SGCZ: variants seen among roughly 807,000 people sequenced by gnomAD.
SGCZ encodes sarcoglycan zeta, also known as zeta-sarcoglycan.
In SGCZ, 40 loss-of-function variants were observed where a neutral mutation model predicts 41.3. The ratio of observed to expected loss-of-function variants is 0.97; its 90% confidence interval spans 0.75 to 1.26. The LOEUF (loss-of-function observed/expected upper bound fraction) is 1.26, where lower values mean the gene tolerates loss of function less well. Among genes scored for constraint, SGCZ ranks in the 50% most tolerant of loss-of-function variants. SGCZ has a pLI of 0.00. For missense variants in SGCZ, 552 were observed against 369.8 expected (o/e 1.49, Z -4.04); for synonymous variants, 206 against 137.5 (o/e 1.50, Z -3.49).
intron 1 of SGCZ, among the ~76,000 whole-genome samples, chr8:14,652,346 A>AAGG (rs201135943): frequency 7.5e-4 from 38 of 50,734 alleles, no homozygotes; most frequent in African/African-American, 2.7e-3. Context: ...AAAAAAAAAA[A>AAGG]GGGGGGGGTG....
intron 4 of SGCZ, among the ~76,000 whole-genome samples, chr8:14,186,415 T>C (rs1585211801): frequency 6.6e-6 from 1 of 152,194 alleles, no homozygotes; most frequent in African/African-American, 2.4e-5. Flanking sequence ...CAGGAATCCT[T>C]CTTCATCTAT....
chr8:14,299,307 A>T (rs1192307421), intron 3 of SGCZ, among the ~76,000 whole-genome samples: 26 of 151,996 alleles, frequency 1.7e-4, no homozygotes, highest in Admixed American at 1.7e-3. Context: ...ATAAAAGTTA[A>T]ACATGAAATT....
At chr8:14,574,775 TATC>T (rs1804658436) in intron 1 of SGCZ, among the ~76,000 whole-genome samples, 1 of 152,144 alleles carries the variant, frequency 6.6e-6, no homozygotes, top group Non-Finnish European at 1.5e-5. Flanking sequence ...CCATTATCCT[TATC>T]ATGGGAAGGA....
intron 1 of SGCZ, among the ~76,000 whole-genome samples, chr8:15,026,576 G>T (rs1247317430): frequency 1.3e-5 from 2 of 152,142 alleles, no homozygotes; most frequent in East Asian, 1.9e-4. Flanking sequence ...GCTGTGCTCA[G>T]ATACCACTAG....
intron 1 of SGCZ, among the ~76,000 whole-genome samples, chr8:15,124,533 G>T (rs746308326): frequency 2.0e-5 from 3 of 152,146 alleles, no homozygotes; most frequent in Admixed American, 6.6e-5. Flanking sequence ...CTAAATAGAA[G>T]AGGATTTTAA....
chr8:14,377,540 TTA>T (rs1804179415), intron 2 of SGCZ, among the ~76,000 whole-genome samples: 1 of 152,080 alleles, frequency 6.6e-6, no homozygotes, highest in Non-Finnish European at 1.5e-5. Context: ...TTTTCTTTTG[TTA>T]TTATACTTTA....
At chr8:14,574,083 T>G (rs1804638053) in intron 1 of SGCZ, among the ~76,000 whole-genome samples, 1 of 152,144 alleles carries the variant, frequency 6.6e-6, no homozygotes, top group South Asian at 2.1e-4. Context: ...TAATAGATGC[T>G]CTAGGAATGT....
At chr8:14,736,000 A>G (rs1299625362) in intron 1 of SGCZ, among the ~76,000 whole-genome samples, 1 of 152,088 alleles carries the variant, frequency 6.6e-6, no homozygotes, top group East Asian at 1.9e-4. Context: ...GAGTATGGAG[A>G]TTGTAAGCAG....
intron 1 of SGCZ, among the ~76,000 whole-genome samples, chr8:14,634,027 C>A (rs561826280): frequency 2.0e-5 from 3 of 151,930 alleles, no homozygotes; most frequent in African/African-American, 7.2e-5. Flanking sequence ...TTCCAGAAAT[C>A]TTGACAAAGA....
chr8:15,186,588 A>G (rs1800352580), intron 1 of SGCZ, among the ~76,000 whole-genome samples: 1 of 152,184 alleles, frequency 6.6e-6, no homozygotes, highest in African/African-American at 2.4e-5. Context: ...GTTGATTCCC[A>G]TATCATAATT....
intron 3 of SGCZ, among the ~76,000 whole-genome samples, chr8:14,284,096 A>G (rs952422508): frequency 1.3e-5 from 2 of 152,340 alleles, no homozygotes; most frequent in South Asian, 2.1e-4. Context: ...ATTTTATGCT[A>G]AAGTAGATTC....
intron 1 of SGCZ, among the ~76,000 whole-genome samples, chr8:14,646,682 T>C (rs1807232390): frequency 6.6e-6 from 1 of 151,964 alleles, no homozygotes; most frequent in Non-Finnish European, 1.5e-5. Flanking sequence ...AATACAAGTA[T>C]TTTGTCTAAA....
intron 3 of SGCZ, among the ~76,000 whole-genome samples, chr8:14,256,960 T>C (rs1799486569): frequency 6.6e-6 from 1 of 152,184 alleles, no homozygotes; most frequent in South Asian, 2.1e-4. Flanking sequence ...GTTAATCTTC[T>C]TCAAAATCAC....
At chr8:14,444,743 C>T (rs1429613460) in intron 2 of SGCZ, among the ~76,000 whole-genome samples, 4 of 151,766 alleles carry the variant, frequency 2.6e-5, no homozygotes, top group African/African-American at 4.8e-5. Flanking sequence ...AGCACACCCG[C>T]ATGGCACATG....
chr8:14,973,732 T>G lies in SGCZ; in HGVS notation c.39+263853A>C, dbSNP rs546881365. Among the ~76,000 whole-genome samples, 142 of 152,302 alleles carry G rather than the reference T, an allele frequency of 9.3e-4. 1 individual carries two copies. The highest frequency in any genetic ancestry group is 3.4e-3 in the Middle Eastern group (1 of 294). Reference sequence around the variant, plus strand: ...ACCTTAGAAAAGTTGCTGAGACATTTGATAAAGGGTATTTTTATCTGAAAG... The same window carrying G: ...ACCTTAGAAAAGTTGCTGAGACATTGGATAAAGGGTATTTTTATCTGAAAG... On this transcript the variant is annotated intron_variant, in intron 1 of 7. Coordinates refer to ENST00000382080, the MANE Select transcript of SGCZ (RefSeq NM_139167.4).
chr8:14,142,414 C>G (rs1044584989), intron 5 of SGCZ, among the ~76,000 whole-genome samples: 5 of 152,090 alleles, frequency 3.3e-5, no homozygotes, highest in African/African-American at 1.2e-4. Flanking sequence ...TGGGCTGGCT[C>G]TAAAGTGTTC....
At chr8:14,356,946 T>C (rs1803318046) in intron 2 of SGCZ, among the ~76,000 whole-genome samples, 1 of 151,948 alleles carries the variant, frequency 6.6e-6, no homozygotes, top group Non-Finnish European at 1.5e-5. Context: ...ATTAAGAATA[T>C]CAAATTCTAA....
chr8:14,237,607 C>T lies in SGCZ; in HGVS notation c.409G>A (p.Gly137Arg), dbSNP rs761534961. The stretch of plus-strand genomic sequence containing the variant: ...AAACACTCACCTATGGTCAGCTGTC[C>T]GGTTAACTGCCCCATGTGATTTCTT... ...NARNHMGQLT[G>R]QLTIGADAVE... Residue 137 changes from glycine to arginine, a missense_variant, in exon 4 of 8, where the codon GGA becomes AGA. Physicochemically the swap from Gly to Arg is moderately radical, Grantham distance 125. Coordinates refer to ENST00000382080, the MANE Select transcript of SGCZ (RefSeq NM_139167.4). The T allele has an allele frequency of 1.1e-5, 17 of 1,613,748 alleles. No individual in the cohort carries two copies. The highest frequency in any genetic ancestry group is 3.3e-4 in the Middle Eastern group (2 of 6,062).
chr8:14,613,879 A>C (rs1199220741), intron 1 of SGCZ, among the ~76,000 whole-genome samples: 1 of 152,178 alleles, frequency 6.6e-6, no homozygotes, highest in Non-Finnish European at 1.5e-5. Flanking sequence ...GGTTATCAAA[A>C]CCAGTAAAAA....
Sources: allele counts gnomAD v4.1 joint callset (sites outside exome capture counted in the v4.1 genomes callset), GRCh38; gene constraint gnomAD v4.1.1; transcripts MANE v1.5; gene names NCBI Gene and HGNC (gene_info 2026-07-23, HGNC 2026-07-21).